The following MAF variants were observed in gnomAD, a reference collection of about 807,000 sequenced individuals.
The protein encoded by MAF is transcription factor Maf.
In MAF, 10 loss-of-function variants were observed where a neutral mutation model predicts 22.0. The ratio of observed to expected loss-of-function variants is 0.45; its 90% CI spans 0.28 to 0.77. The LOEUF (loss-of-function observed/expected upper bound fraction) is 0.77. MAF is among the 30% of genes least tolerant of loss of function. MAF has a pLI of 0.12. For synonymous variants in MAF, 337 were observed against 255.8 expected, an observed-to-expected ratio of 1.32 and a Z score of -3.03; for missense variants, 544 against 548.4, an observed-to-expected ratio of 0.99 and a Z score of 0.08.
chr16:79,212,048 GTAAAAACCTGC>G, the MAF span: 2 of 1,536,360 alleles, frequency 1.3e-6, no homozygotes, highest in Non-Finnish European at 1.7e-6. Flanking sequence ...CTGTTTGAAA[GTAAAAACCTGC>G]TTGGTGTGTA....
At chr16:79,394,327 A>T in the MAF span, among the ~76,000 whole-genome samples, 1 of 152,074 alleles carries the variant, frequency 6.6e-6, no homozygotes, top group Admixed American at 6.6e-5. Flanking sequence ...GAAATCTGGA[A>T]ATCTTCCTTT....
At chr16:79,441,467 G>A in the MAF span, among the ~76,000 whole-genome samples, 1 of 152,236 alleles carries the variant, frequency 6.6e-6, no homozygotes, top group East Asian at 1.9e-4. Context: ...GTTGAAGTGT[G>A]AAAGTGGCCA....
Position 79,599,264 on chromosome 16 carries a change from A to G in MAF, c.639T>C (p.Ala213=). 1 of 976,062 alleles carries G rather than the reference A, an allele frequency of 1.0e-6. No homozygotes were observed. The highest frequency in any genetic ancestry group is 1.2e-6 in the Non-Finnish European group (1 of 826,586). 60.5% of individuals were successfully genotyped at this position (976,062 alleles called of 1,614,324 possible). A position where few individuals can be genotyped will look rare whatever the true frequency, so the allele number is the denominator to read the frequency against. Residue 213 remains alanine, a synonymous_variant, in exon 1 of 2, where the codon GCT becomes GCC. Transcript: ENST00000326043. ...CCGGGCCACCGCCGCCCGCGCCCCCAGCGCCACCGGCCGAGGCGGCCGCGC... is the reference window on the plus strand; with the variant it reads ...CCGGGCCACCGCCGCCCGCGCCCCCGGCGCCACCGGCCGAGGCGGCCGCGC... The part of the protein sequence containing the change: ...AGSAAASAGG[A]GGAGGGGPAS...
At chr16:79,402,838 G>A in the MAF span, among the ~76,000 whole-genome samples, 1 of 152,182 alleles carries the variant, frequency 6.6e-6, no homozygotes, top group Non-Finnish European at 1.5e-5. Flanking sequence ...GTGTCCATGG[G>A]GGAAGTTCCA....
At chr16:79,309,450 G>A in the MAF span, among the ~76,000 whole-genome samples, 7 of 152,314 alleles carry the variant, frequency 4.6e-5, no homozygotes, top group Middle Eastern at 3.4e-3. Flanking sequence ...AGCAACCTTA[G>A]TGAGAACTTA....
the MAF span, chr16:79,211,908 A>G: frequency 1.3e-6 from 2 of 1,551,294 alleles, no homozygotes; most frequent in Non-Finnish European, 8.7e-7. Context: ...CGCAAGAGTA[A>G]AGGAAATAAG....
the MAF span, among the ~76,000 whole-genome samples, chr16:79,340,249 T>G: frequency 6.6e-6 from 1 of 152,014 alleles, no homozygotes. Flanking sequence ...GCACCTTCTC[T>G]ACCTCTTCCT....
At chr16:79,267,676 G>A in the MAF span, among the ~76,000 whole-genome samples, 1 of 152,158 alleles carries the variant, frequency 6.6e-6, no homozygotes, top group Non-Finnish European at 1.5e-5. Flanking sequence ...TCATCTTTGT[G>A]AGCCTCTACC....
At chr16:79,220,898 C>T in the MAF span, among the ~76,000 whole-genome samples, 3 of 152,206 alleles carry the variant, frequency 2.0e-5, no homozygotes, top group East Asian at 5.8e-4. Context: ...TGGCATGCAG[C>T]ACTGTTAACC....
the MAF span, among the ~76,000 whole-genome samples, chr16:79,541,955 T>A: frequency 1.3e-4 from 20 of 152,198 alleles, no homozygotes; most frequent in African/African-American, 4.1e-4. Context: ...CAAGCCCGGT[T>A]ACTACTAGGG....
At chr16:79,217,674 C>T in the MAF span, among the ~76,000 whole-genome samples, 3 of 152,024 alleles carry the variant, frequency 2.0e-5, no homozygotes, top group African/African-American at 7.2e-5. Flanking sequence ...TCGTTTTCTT[C>T]CAAGTCCCTC....
the MAF span, among the ~76,000 whole-genome samples, chr16:79,306,293 T>A: frequency 2.0e-5 from 3 of 152,218 alleles, no homozygotes; most frequent in Non-Finnish European, 4.4e-5. Flanking sequence ...AAATCTCTGC[T>A]TCTCATGGCA....
chr16:79,431,247 C>T, the MAF span, among the ~76,000 whole-genome samples: 16 of 152,200 alleles, frequency 1.1e-4, no homozygotes, highest in East Asian at 1.2e-3. Flanking sequence ...AGGAAGGCAG[C>T]GTGGTGATGA....
chr16:79,332,875 C>A, the MAF span, among the ~76,000 whole-genome samples: 1 of 152,150 alleles, frequency 6.6e-6, no homozygotes, highest in Admixed American at 6.5e-5. Flanking sequence ...AGTAGTTTGC[C>A]CAAGGTCACC....
At chr16:79,351,930 C>G in the MAF span, among the ~76,000 whole-genome samples, 3 of 152,142 alleles carry the variant, frequency 2.0e-5, no homozygotes, top group African/African-American at 7.2e-5. Flanking sequence ...AAAGCCAAGC[C>G]ACTAGTTTTT....
At chr16:79,427,823 C>T in the MAF span, among the ~76,000 whole-genome samples, 1 of 152,106 alleles carries the variant, frequency 6.6e-6, no homozygotes, top group Non-Finnish European at 1.5e-5. Flanking sequence ...CATGCACGGC[C>T]TCCTTGTGAG....
At chr16:79,313,093 G>A in the MAF span, among the ~76,000 whole-genome samples, 2 of 152,082 alleles carry the variant, frequency 1.3e-5, no homozygotes, top group Non-Finnish European at 2.9e-5. Flanking sequence ...CGGTTTCTTC[G>A]TCTGCAAAGG....
At chr16:79,277,195 A>G in the MAF span, among the ~76,000 whole-genome samples, 2 of 152,108 alleles carry the variant, frequency 1.3e-5, no homozygotes, top group African/African-American at 4.8e-5. Flanking sequence ...CAGTAATTGA[A>G]TCTAGGACAC....
chr16:79,236,645 G>T, the MAF span, among the ~76,000 whole-genome samples: 34 of 152,154 alleles, frequency 2.2e-4, 1 homozygote, highest in Non-Finnish European at 4.9e-4. Flanking sequence ...GTTGAGGCCA[G>T]GCTACAAGGC....
Sources: gnomAD v4.1 joint callset for allele counts (sites outside exome capture counted in the v4.1 genomes callset) on GRCh38, gnomAD v4.1.1 for gene constraint, MANE v1.5 for transcripts, NCBI Gene and HGNC (gene_info 2026-07-23, HGNC 2026-07-21) for gene names.